The following SP140 variants were observed in gnomAD, a reference collection of about 807,000 sequenced individuals.
The protein encoded by SP140 is nuclear body protein SP140.
SP140 carries 81 observed loss-of-function variants against 125.0 expected under a neutral mutation model. The observed-to-expected ratio is 0.65, with a 90% CI of 0.54 to 0.78. The LOEUF (loss-of-function observed/expected upper bound fraction) is 0.78, where lower values mean the gene tolerates loss of function less well. SP140 is among the 30% of genes least tolerant of loss of function. The pLI is 0.00. For missense variants in SP140, 858 were observed against 1,037.0 expected, an observed-to-expected ratio of 0.83 and a Z score of 2.37; for synonymous variants, 312 against 354.0, an observed-to-expected ratio of 0.88 and a Z score of 1.33.
At chr2:230,245,190 A>G (rs1394088042) in intron 6 of SP140, 110 bp downstream of exon 6, 4 of 710,370 alleles carry the variant, frequency 5.6e-6, no homozygotes, top group Admixed American at 2.6e-5. Flanking sequence ...ACTTTTGTTC[A>G]GCCTGTGGTT....
At chr2:230,255,631 C>A in intron 12 of SP140, 99 bp downstream of exon 12, 2 of 1,030,394 alleles carry the variant, frequency 1.9e-6, no homozygotes, top group Non-Finnish European at 3.0e-6. Flanking sequence ...CTGCATATAC[C>A]TCACAGTGAA....
chr2:230,300,735 A>G, intron 22 of SP140, among the ~76,000 whole-genome samples: 1 of 152,212 alleles, frequency 6.6e-6, no homozygotes, highest in East Asian at 1.9e-4. Context: ...TAATGACAAA[A>G]CAAAGTTCTA....
intron 3 of SP140, chr2:230,219,830 A>G (rs926244579): frequency 2.6e-6 from 2 of 783,616 alleles, no homozygotes; most frequent in African/African-American, 1.9e-5. Context: ...TAAGAGCTGC[A>G]GTCACCAAGA....
At chr2:230,297,815 G>A (rs1350381365) in intron 22 of SP140, among the ~76,000 whole-genome samples, 1 of 152,152 alleles carries the variant, frequency 6.6e-6, no homozygotes, top group Non-Finnish European at 1.5e-5. Context: ...AAATGTGAGA[G>A]GATAACAGCA....
chr2:230,198,106 A>C, the SP140 span, among the ~76,000 whole-genome samples: 1 of 136,336 alleles, frequency 7.3e-6, no homozygotes, highest in Non-Finnish European at 1.6e-5. Context: ...GTAGGACAAT[A>C]GGACCCTCTG....
At chr2:230,249,610 C>A (rs1317136117) in intron 9 of SP140, among the ~76,000 whole-genome samples, 1 of 151,978 alleles carries the variant, frequency 6.6e-6, no homozygotes, top group African/African-American at 2.4e-5. Flanking sequence ...AAGGTGATAA[C>A]CTCAAGGAGA....
At chr2:230,316,256 A>G (rs2059483032), downstream of SP140, among the ~76,000 whole-genome samples, 2 of 152,208 alleles carry the variant, frequency 1.3e-5, no homozygotes, top group Admixed American at 6.5e-5. Context: ...GAGATATGCC[A>G]TATAGGTAAG....
rs2951805 is a variant in SP140, at chr2:230,312,202, A to G, written c.2506-384A>G. On this transcript the variant is annotated intron_variant, in intron 26 of 26. Coordinates refer to ENST00000392045, the MANE Select transcript of SP140 (RefSeq NM_007237.5). ...GTTAATAAGAAAGGATCATGCTGGT[A>G]AGAAACGGAAGTTACTCTTAGCTGC... Among the ~76,000 whole-genome samples, 52 of 152,374 alleles carry G rather than the reference A, an allele frequency of 3.4e-4. 1 individual carries two copies. In the South Asian group the frequency reaches 9.1e-3, roughly 27 times the overall value.
chr2:230,307,806 C>A (rs1389521710), intron 22 of SP140, among the ~76,000 whole-genome samples: 1 of 151,830 alleles, frequency 6.6e-6, no homozygotes, highest in Non-Finnish European at 1.5e-5. Flanking sequence ...TGGAAGGAGC[C>A]CAGTGGGCCT....
chr2:230,248,395 C>A (rs2049822433), intron 8 of SP140, among the ~76,000 whole-genome samples: 1 of 151,826 alleles, frequency 6.6e-6, no homozygotes, highest in South Asian at 2.1e-4. Flanking sequence ...GTCACAGGGT[C>A]AGAATAGAAA....
chr2:230,233,441 C>G (rs991287620), intron 1 of SP140, among the ~76,000 whole-genome samples: 3 of 152,068 alleles, frequency 2.0e-5, no homozygotes, highest in Non-Finnish European at 4.4e-5. Context: ...ATTGAAATTA[C>G]TATAATTTTA....
At chr2:230,305,670 G>T (rs1457836853) in intron 22 of SP140, among the ~76,000 whole-genome samples, 1 of 152,252 alleles carries the variant, frequency 6.6e-6, no homozygotes, top group Non-Finnish European at 1.5e-5. Flanking sequence ...GTAGCGTGGG[G>T]GTCGGGCCCG....
At chr2:230,267,361 C>T (rs971900368) in intron 12 of SP140, among the ~76,000 whole-genome samples, 28 of 152,152 alleles carry the variant, frequency 1.8e-4, no homozygotes, top group African/African-American at 6.5e-4. Context: ...TTCTTCTGAA[C>T]CTTTAATCTG....
upstream of SP140, chr2:230,201,049 T>C: frequency 9.5e-7 from 1 of 1,054,374 alleles, no homozygotes; most frequent in South Asian, 1.3e-5. Context: ...CCTTGCACAC[T>C]CTGAAGTTGA....
intron 15 of SP140, among the ~76,000 whole-genome samples, chr2:230,273,253 A>G (rs2054203789): frequency 1.3e-5 from 2 of 152,206 alleles, no homozygotes; most frequent in African/African-American, 4.8e-5. Flanking sequence ...TACAAGAAAA[A>G]CAAACAGCCC....
At chr2:230,232,496 G>A (rs1438207726) in intron 1 of SP140, among the ~76,000 whole-genome samples, 4 of 152,330 alleles carry the variant, frequency 2.6e-5, no homozygotes, top group Non-Finnish European at 4.4e-5. Flanking sequence ...GGATGGGAGC[G>A]ATGACTTCCA....
At chr2:230,262,178 G>A (rs1006915034) in intron 12 of SP140, among the ~76,000 whole-genome samples, 5 of 152,132 alleles carry the variant, frequency 3.3e-5, no homozygotes, top group Admixed American at 2.6e-4. Context: ...TTTACACTAG[G>A]AGGGTTGTAT....
the SP140 span, among the ~76,000 whole-genome samples, chr2:230,191,392 T>C: frequency 6.6e-6 from 1 of 151,380 alleles, no homozygotes; most frequent in Admixed American, 6.6e-5. Flanking sequence ...TCACTAGCCA[T>C]ATTAATAAAG....
At chr2:230,276,307 C>G (rs1336959925) in intron 15 of SP140, among the ~76,000 whole-genome samples, 1 of 152,106 alleles carries the variant, frequency 6.6e-6, no homozygotes, top group East Asian at 1.9e-4. Flanking sequence ...TCCCTTGAAG[C>G]CAATACTCAT....
Sources: allele counts gnomAD v4.1 joint callset (sites outside exome capture counted in the v4.1 genomes callset), GRCh38; gene constraint gnomAD v4.1.1; transcripts MANE v1.5; gene names NCBI Gene and HGNC (gene_info 2026-07-23, HGNC 2026-07-21).